The following MAST2 variants were observed in gnomAD, a reference collection of about 807,000 sequenced individuals.
MAST2 encodes microtubule-associated serine/threonine-protein kinase 2.
Under a neutral mutation model 147.4 loss-of-function variants are expected in MAST2, and 70 were observed. The observed-to-expected ratio is 0.47, with a 90% CI of 0.39 to 0.58. The LOEUF (loss-of-function observed/expected upper bound fraction) is 0.58, where lower values mean the gene tolerates loss of function less well. Ranked by LOEUF, MAST2 falls within the 20% of genes least tolerant of loss-of-function variation. The pLI, the probability that MAST2 is intolerant of heterozygous loss-of-function variation, is 0.00. For synonymous variants in MAST2, 869 were observed against 896.8 expected (o/e 0.97, Z 0.55); for missense variants, 2,080 against 2,302.3 (o/e 0.90, Z 1.98).
chr1:45,824,568 A>G lies in MAST2; in HGVS notation c.313A>G (p.Ser105Gly), dbSNP rs371442168. The G allele has an allele frequency of 8.6e-5, 137 of 1,597,932 alleles. No homozygotes were observed. In the Middle Eastern group the frequency reaches 2.0e-3, roughly 23 times the overall value. ...DCKLWRGNLA[S>G]SLSGKQLLPL... ...TAAGTTATGGAGAGGAAACCTGGCC[A>G]GCTCTCTATCGGGTAAATATCTGAT... The change falls in exon 2 of 29, where the codon AGC becomes GGC. Residue 105 changes from serine (S) to glycine (G), a missense_variant. Around this residue, in one of 4 missense-constraint regions of MAST2, gnomAD observed 569 missense variants for 642.5 expected, o/e 0.89. Transcript: ENST00000361297.
intron 3 of MAST2, among the ~76,000 whole-genome samples, chr1:45,871,502 A>G (rs1012556693): frequency 6.6e-6 from 1 of 152,194 alleles, no homozygotes; most frequent in South Asian, 2.1e-4. Flanking sequence ...TTTTAACTCT[A>G]TAAGGAGAGT....
At chr1:45,910,740 T>G (rs1168378736) in intron 4 of MAST2, among the ~76,000 whole-genome samples, 1 of 152,226 alleles carries the variant, frequency 6.6e-6, no homozygotes, top group Non-Finnish European at 1.5e-5. Context: ...AGGAAGGATA[T>G]AACAGTTAAT....
chr1:45,939,597 A>G (rs888413901), intron 4 of MAST2, among the ~76,000 whole-genome samples: 12 of 150,736 alleles, frequency 8.0e-5, no homozygotes, highest in Admixed American at 2.0e-4. Flanking sequence ...CTGGAGTGCA[A>G]TAGCGCGATC....
At chr1:45,979,976 G>A (rs1042101689) in intron 5 of MAST2, among the ~76,000 whole-genome samples, 3 of 152,264 alleles carry the variant, frequency 2.0e-5, no homozygotes, top group East Asian at 3.9e-4. Context: ...TAAACAGCGG[G>A]TTACTCATGG....
intron 3 of MAST2, among the ~76,000 whole-genome samples, chr1:45,831,031 A>G (rs1478558879): frequency 1.6e-4 from 9 of 54,970 alleles, no homozygotes; most frequent in East Asian, 4.8e-4. Context: ...CCTTGTCTGG[A>G]AAAAAAAAAA....
chr1:45,999,893 C>A (rs992715373), intron 6 of MAST2, among the ~76,000 whole-genome samples: 1 of 152,166 alleles, frequency 6.6e-6, no homozygotes, highest in African/African-American at 2.4e-5. Context: ...AATAGAGATA[C>A]CTTCATTTGT....
intron 11 of MAST2, among the ~76,000 whole-genome samples, chr1:46,020,298 T>C (rs946527): frequency 0.66 from 100,739 of 151,970 alleles, 33,807 homozygotes; most frequent in Non-Finnish European, 0.71. Flanking sequence ...TTCAGCAAAC[T>C]GAAGGATGAG....
At chr1:45,852,255 G>C (rs909002162) in intron 3 of MAST2, among the ~76,000 whole-genome samples, 1 of 152,158 alleles carries the variant, frequency 6.6e-6, no homozygotes, top group African/African-American at 2.4e-5. Flanking sequence ...GAACCGTACT[G>C]TCATTACAAA....
chr1:45,836,367 C>T (rs915183320), intron 3 of MAST2, among the ~76,000 whole-genome samples: 4 of 152,138 alleles, frequency 2.6e-5, no homozygotes, highest in African/African-American at 9.7e-5. Flanking sequence ...GTTGAGGTCA[C>T]ATGGAGTATG....
chr1:45,995,000 G>A (rs1035534684), intron 5 of MAST2, among the ~76,000 whole-genome samples: 11 of 151,910 alleles, frequency 7.2e-5, no homozygotes, highest in African/African-American at 1.2e-4. Flanking sequence ...CACCACGCCC[G>A]GCTAATTTTT....
intron 8 of MAST2, among the ~76,000 whole-genome samples, chr1:46,006,771 T>TA (rs1645504849): frequency 6.6e-6 from 1 of 152,156 alleles, no homozygotes; most frequent in South Asian, 2.1e-4. Flanking sequence ...TACTGTCAAG[T>TA]GGTCCCTCTC....
intron 1 of MAST2, among the ~76,000 whole-genome samples, chr1:45,818,289 C>A (rs549610833): frequency 1.3e-5 from 2 of 152,298 alleles, no homozygotes; most frequent in South Asian, 4.1e-4. Context: ...ATCAGACTGA[C>A]AGCAGACCAC....
intron 4 of MAST2, among the ~76,000 whole-genome samples, chr1:45,957,202 A>G (rs1659778962): frequency 6.6e-6 from 1 of 152,166 alleles, no homozygotes; most frequent in African/African-American, 2.4e-5. Context: ...CTTTCAGCAT[A>G]ATTATTTGTG....
chr1:46,019,803 G>T, intron 11 of MAST2, 106 bp downstream of exon 11: 1 of 926,006 alleles, frequency 1.1e-6, no homozygotes, highest in East Asian at 2.5e-5. Context: ...CATTTCTGTT[G>T]CTTAGGTCCT....
intron 4 of MAST2, among the ~76,000 whole-genome samples, chr1:45,919,312 G>A (rs1387424005): frequency 6.6e-6 from 1 of 151,976 alleles, no homozygotes; most frequent in South Asian, 2.1e-4. Flanking sequence ...AGGTTGGGGC[G>A]ATAGTGAGGA....
intron 4 of MAST2, among the ~76,000 whole-genome samples, chr1:45,947,755 C>T (rs750906078): frequency 6.6e-5 from 10 of 152,218 alleles, no homozygotes; most frequent in East Asian, 3.9e-4. Context: ...CTCGCTCTGT[C>T]GCCCAAGCTG....
chr1:45,884,052 GGAAGAA>G (rs1228680499), intron 4 of MAST2, among the ~76,000 whole-genome samples: 1 of 116,988 alleles, frequency 8.5e-6, no homozygotes, highest in Admixed American at 9.2e-5. Flanking sequence ...GGAGTTGCTG[GGAAGAA>G]GGAGAAGGAG....
chr1:46,034,353 T>C, intron 28 of MAST2, 87 bp downstream of exon 28: 1 of 1,439,480 alleles, frequency 6.9e-7, no homozygotes, highest in Non-Finnish European at 9.3e-7. Context: ...GATCCCACTC[T>C]GAGTCTCTCA....
At chr1:45,884,357 G>C (rs1219632960) in intron 4 of MAST2, among the ~76,000 whole-genome samples, 1 of 152,048 alleles carries the variant, frequency 6.6e-6, no homozygotes, top group Non-Finnish European at 1.5e-5. Flanking sequence ...AGACCAGCCT[G>C]ACCAATATGG....
Sources: gnomAD v4.1 joint callset for allele counts (sites outside exome capture counted in the v4.1 genomes callset) on GRCh38, gnomAD v4.1.1 for gene constraint, gnomAD v4.1.1 regional missense constraint, MANE v1.5 for transcripts, NCBI Gene and HGNC (gene_info 2026-07-23, HGNC 2026-07-21) for gene names.